The following CELSR3 variants were observed in gnomAD, a reference collection of about 807,000 sequenced individuals.
The protein encoded by CELSR3 is EGF-like protein 1.
In CELSR3, 73 loss-of-function variants were observed where a neutral mutation model predicts 270.0. The ratio of observed to expected loss-of-function variants is 0.27; its 90% CI spans 0.22 to 0.33. CELSR3 has a LOEUF of 0.33. Ranked by LOEUF, CELSR3 falls within the 10% of genes least tolerant of loss-of-function variation. The probability of loss-of-function intolerance (pLI) is 1.00; values close to 1 mark genes in which losing one functional copy is unlikely to be tolerated. For synonymous variants in CELSR3, 1,780 were observed against 1,905.4 expected (o/e 0.93, Z 1.71); for missense variants, 3,614 against 4,533.8 (o/e 0.80, Z 5.83).
chr3:48,645,407 C>T lies in CELSR3; in HGVS notation c.7797+36G>A, dbSNP rs1361120593. On this transcript the variant is annotated intron_variant, in intron 24 of 34. Transcript: ENST00000164024. The surrounding 1 kb of genome is among the most constrained non-coding windows in gnomAD (Gnocchi z 5.4). ...CCCAGGCCTCCTGGGCCAGTAGGGT[C>T]ATCAGGACACAAGTTCCCTGGCCCT... is the stretch of plus-strand genomic sequence containing the variant. 1.9e-6 allele frequency: 3 copies of T among 1,609,324 alleles called. No individual in the cohort carries two copies. The highest frequency in any genetic ancestry group is 2.7e-5 in the African/African-American group (2 of 74,846).
In CELSR3 at chr3:48,652,328, C is replaced by G. The variant is rs2047144616; in HGVS notation, c.5751+109G>C. The G allele has an allele frequency of 2.2e-6, 2 of 925,164 alleles. No homozygotes were observed. The highest frequency in any genetic ancestry group is 3.5e-6 in the Non-Finnish European group (2 of 566,910). The allele number at this position is 925,164 out of a possible 1,614,324, so 57.3% of individuals were successfully genotyped here. On this transcript the variant is annotated intron_variant, in intron 11 of 34. Transcript: ENST00000164024. This position sits in a 1 kb window ranked among gnomAD's most constrained non-coding sequence, Gnocchi z 4.3. ...TAGCTCTCAACTCTGGGTCATTCACCCCCTCGCACCAACCCCCACTTGAAT... is the reference window on the plus strand; with the variant it reads ...TAGCTCTCAACTCTGGGTCATTCACGCCCTCGCACCAACCCCCACTTGAAT...
In CELSR3 at chr3:48,653,208, C is replaced by T; in HGVS notation, c.5449-21G>A. 6.2e-7 allele frequency: 1 copy of T among 1,609,500 alleles called. No homozygotes were observed. Among genetic ancestry groups the T allele is most frequent in the Non-Finnish European group, 8.5e-7 (1 of 1,177,384 alleles). On this transcript the variant is annotated intron_variant, in intron 9 of 34. Coordinates refer to ENST00000164024, the MANE Select transcript of CELSR3 (RefSeq NM_001407.3). This position sits in a 1 kb window ranked among gnomAD's most constrained non-coding sequence, Gnocchi z 6.5. ...TCTAGCTGTGGGCAGAGATGCATAG[C>T]CCTGGGGTTAGAGCCCCATGTGGGC...
At chr3:48,648,237 T>G in intron 19 of CELSR3, 29 bp downstream of exon 19, 3 of 1,427,718 alleles carry the variant, frequency 2.1e-6, no homozygotes, top group South Asian at 2.3e-5. Context: ...CCCCCTGCTG[T>G]GCCCCGCCCT....
In CELSR3 at chr3:48,641,234, G is replaced by A; in HGVS notation, c.9025+90C>T. On this transcript the variant is annotated intron_variant, in intron 33 of 34. Transcript: ENST00000164024. This position sits in a 1 kb window ranked among gnomAD's most constrained non-coding sequence, Gnocchi z 4.8. ...TAGGTCAGAGTAAGAAGAGCTCTCA[G>A]TTTGGGATGAGGAAGCTGCAATCCC... 1 of 862,246 alleles carries A rather than the reference G, an allele frequency of 1.2e-6. No homozygotes were observed. Among genetic ancestry groups the A allele is most frequent in the Non-Finnish European group, 1.9e-6 (1 of 520,320 alleles). 53.4% of individuals were successfully genotyped at this position (862,246 alleles called of 1,614,324 possible). A position where few individuals can be genotyped will look rare whatever the true frequency, so the allele number is the denominator to read the frequency against.
rs761430217 is a variant in CELSR3 at position 48,645,172 on chromosome 3, A to T, written c.7835T>A (p.Phe2612Tyr). Residue 2612 changes from phenylalanine to tyrosine, a missense_variant, in exon 25 of 35, where the codon TTC (phenylalanine) becomes TAC (tyrosine). Phe to Tyr is a conservative substitution (Grantham distance 22). This residue lies in a region of CELSR3 where 1,240 missense variants were observed against 1,351.7 expected (regional missense o/e 0.92). Coordinates refer to ENST00000164024, the MANE Select transcript of CELSR3 (RefSeq NM_001407.3). The surrounding 1 kb of genome is among the most constrained non-coding windows in gnomAD (Gnocchi z 5.4). ...CTAVAILLHY[F>Y]FLSTFAWLFV... ...GAGCCACGCGAAGGTGCTGAGGAAG[A>T]AGTAGTGCAGGAGGATGGCGACTGC... 1 of 1,592,014 alleles carries T rather than the reference A, an allele frequency of 6.3e-7. No homozygotes were observed. Among genetic ancestry groups the T allele is most frequent in the Non-Finnish European group, 8.6e-7 (1 of 1,163,768 alleles).
Position 48,660,050 on chromosome 3 carries a change from T to C in CELSR3, c.2585A>G (p.His862Arg). 6.2e-7 allele frequency: 1 copy of C among 1,614,226 alleles called. No individual in the cohort carries two copies. The highest frequency in any genetic ancestry group is 8.5e-7 in the Non-Finnish European group (1 of 1,180,044). The change falls in exon 1 of 35, where the codon CAC becomes CGC. Residue 862 changes from histidine to arginine, a missense_variant. Physicochemically the swap from His to Arg is conservative, Grantham distance 29. Coordinates refer to ENST00000164024, the MANE Select transcript of CELSR3 (RefSeq NM_001407.3). This position sits in a 1 kb window ranked among gnomAD's most constrained non-coding sequence, Gnocchi z 5.5. The part of the protein sequence containing the change: ...NTHRPVFQSA[H>R]YSVSVNEDRP... ...ATCTTCATTCACACTCACTGAGTAG[T>C]GGGCACTTTGAAAGACCGGCCGATG...
In CELSR3 at chr3:48,637,231, C is replaced by T. The variant is rs769525406; in HGVS notation, c.*974G>A. ...GTGGAACGGAGTCACTTCCTGCAGC[C>T]CAGGTGCCTAGGGCCACGGAGGATC... On this transcript the variant is annotated 3_prime_UTR_variant, in exon 35 of 35. Transcript: ENST00000164024. 6.6e-6 allele frequency: 1 copy of T among 152,532 alleles called. No individual in the cohort carries two copies. Among genetic ancestry groups the T allele is most frequent in the Non-Finnish European group, 1.5e-5 (1 of 68,014 alleles). 9.4% of individuals were successfully genotyped at this position (152,532 alleles called of 1,614,324 possible).
chr3:48,640,780 G>A lies in CELSR3; in HGVS notation c.9026-221C>T, dbSNP rs545454827. The A allele has an allele frequency of 3.0e-4, 172 of 574,810 alleles. 1 individual carries two copies. Among genetic ancestry groups the A allele is most frequent in the Admixed American group, 6.2e-4 (19 of 30,572 alleles). The allele number at this position is 574,810 out of a possible 1,614,324, so 35.6% of individuals were successfully genotyped here. ...GTCATCTTCCAGTTGTGGTCCCGGG[G>A]CAGGGGGAGGGCGGGCAGGTCTCAT... On this transcript the variant is annotated intron_variant, in intron 33 of 34. Transcript: ENST00000164024. This position sits in a 1 kb window ranked among gnomAD's most constrained non-coding sequence, Gnocchi z 7.5.
chr3:48,662,754 T>C lies in CELSR3; in HGVS notation c.-120A>G, dbSNP rs1575547788. ...CGCCCCGGGCCCCCGCCCCTCCGCC[T>C]GTCTCTCCGCACCCCCGCCGCCCTC... On this transcript the variant is annotated 5_prime_UTR_variant, in exon 1 of 35. Coordinates refer to ENST00000164024, the MANE Select transcript of CELSR3 (RefSeq NM_001407.3). The surrounding 1 kb of genome is among the most constrained non-coding windows in gnomAD (Gnocchi z 7.1). 1 of 240,574 alleles carries C rather than the reference T, an allele frequency of 4.2e-6. No individual in the cohort carries two copies. The allele number at this position is 240,574 out of a possible 1,614,324, so 14.9% of individuals were successfully genotyped here.
At position 48,641,727 on chromosome 3, in the gene CELSR3, G is replaced by A. The variant is rs530925840; in HGVS notation, c.8824+124C>T. 1.0e-4 allele frequency: 107 copies of A among 1,067,098 alleles called. 1 individual carries two copies. The Admixed American group carries it at 1.6e-3, about 16-fold the overall frequency. The allele number at this position is 1,067,098 out of a possible 1,614,324, so 66.1% of individuals were successfully genotyped here. ...AGGTGGACAGAGACTAAAAGTTGGGGAACCTGATGACTGAGGGGTCAGAAA... is the reference window on the plus strand; with the variant it reads ...AGGTGGACAGAGACTAAAAGTTGGGAAACCTGATGACTGAGGGGTCAGAAA... On this transcript the variant is annotated intron_variant, in intron 32 of 34. Coordinates refer to ENST00000164024, the MANE Select transcript of CELSR3 (RefSeq NM_001407.3). This position sits in a 1 kb window ranked among gnomAD's most constrained non-coding sequence, Gnocchi z 4.8.
chr3:48,651,631 TG>T lies in CELSR3; in HGVS notation c.6010del (p.His2004MetfsTer114). The T allele has an allele frequency of 2.5e-6, 4 of 1,591,830 alleles. No homozygotes were observed. The highest frequency in any genetic ancestry group is 8.6e-7 in the Non-Finnish European group (1 of 1,168,716). ...ACCCACACAGTCACAGGTATAGCCA[TG>T]GGGGGCTCCTGGCAGGTGCCGGCAT... ...GSCRHLPGAPHGYTCDCVGGY... is the reference protein window; with the variant it reads ...GSCRHLPGAPXGYTCDCVGGY... On this transcript the variant is annotated frameshift_variant, in exon 13 of 35. Transcript: ENST00000164024. LOFTEE classifies it high-confidence loss of function. The surrounding 1 kb of genome is among the most constrained non-coding windows in gnomAD (Gnocchi z 7.4).
In CELSR3 at chr3:48,639,731, G is replaced by A; in HGVS notation, c.9854C>T (p.Pro3285Leu). 5.6e-6 allele frequency: 9 copies of A among 1,613,744 alleles called. No individual in the cohort carries two copies. Among genetic ancestry groups the A allele is most frequent in the Middle Eastern group, 1.7e-4 (1 of 6,060 alleles). ...AGACGTGGCAGAACGTGGCGTGGAG[G>A]GCCCAAGCACAGAGGCTGTGGCAGA... ...TPSATASVLG[P>L]STPRSATSHS... is the part of the protein sequence containing the mutation. Residue 3285 changes from proline (P) to leucine (L), a missense_variant, in exon 34 of 35, where the codon CCC becomes CTC. This residue lies in a region of CELSR3 where 1,240 missense variants were observed against 1,351.7 expected (regional missense o/e 0.92). Coordinates refer to ENST00000164024, the MANE Select transcript of CELSR3 (RefSeq NM_001407.3). This position sits in a 1 kb window ranked among gnomAD's most constrained non-coding sequence, Gnocchi z 4.1.
rs1203033879 is a variant in CELSR3 at position 48,661,325 on chromosome 3, T to C, written c.1310A>G (p.Gln437Arg). 2 of 1,613,386 alleles carry C rather than the reference T, an allele frequency of 1.2e-6. No individual in the cohort carries two copies. ...NDHSPVFEQA[Q>R]YRETLRENVE... ...ATTCTCGCGAAGGGTCTCCCGGTAC[T>C]GCGCTTGCTCAAAAACCGGCGAGTG... The change falls in exon 1 of 35, where the codon CAG (glutamine) becomes CGG (arginine). Residue 437 changes from glutamine to arginine, a missense_variant. Physicochemically the swap from Gln to Arg is conservative, Grantham distance 43. Coordinates refer to ENST00000164024, the MANE Select transcript of CELSR3 (RefSeq NM_001407.3).
Position 48,639,805 on chromosome 3 carries a change from AGAG to A in CELSR3, c.9777_9779del (p.Ser3260del). ...CCAAGGGTGTGCTTGAAGATTGCAC[AGAG>A]GAGAGGGCCGAGGAGTTGAAAGAGG... is the stretch of plus-strand genomic sequence containing the variant. On this transcript the variant is annotated inframe_deletion, in exon 34 of 35. Transcript: ENST00000164024. This position sits in a 1 kb window ranked among gnomAD's most constrained non-coding sequence, Gnocchi z 4.1. 6.2e-7 allele frequency: 1 copy of A among 1,613,892 alleles called. No homozygotes were observed. Among genetic ancestry groups the A allele is most frequent in the Non-Finnish European group, 8.5e-7 (1 of 1,180,000 alleles).
In CELSR3 at chr3:48,654,818, G is replaced by T. The variant is rs2047166428; in HGVS notation, c.4988+226C>A. Among the ~76,000 whole-genome samples, 1 of 151,862 alleles carries T rather than the reference G, an allele frequency of 6.6e-6. No individual in the cohort carries two copies. Among genetic ancestry groups the T allele is most frequent in the Non-Finnish European group, 1.5e-5 (1 of 67,934 alleles). ...CTGGGGTGGGGAGGTGGAGGCTTTG[G>T]AGGACTGCCTGGGGACTGTGTGTGG... On this transcript the variant is annotated intron_variant, in intron 6 of 34. Transcript: ENST00000164024. The surrounding 1 kb of genome is among the most constrained non-coding windows in gnomAD (Gnocchi z 5.4).
At position 48,640,518 on chromosome 3, in the gene CELSR3, T is replaced by C; in HGVS notation, c.9067A>G (p.Thr3023Ala). ...NRLQYPLVPQ[T>A]RGAPELSWCR... The stretch of plus-strand genomic sequence containing the variant: ...CAGGACAGCTCAGGGGCACCTCGGG[T>C]CTGTGGCACCAGTGGGTATTGCAAC... The change falls in exon 34 of 35, where the codon ACC becomes GCC. Residue 3023 changes from threonine to alanine, a missense_variant. Thr to Ala is a moderately conservative substitution (Grantham distance 58). Around this residue, in one of 7 missense-constraint regions of CELSR3, gnomAD observed 1,240 missense variants for 1,351.7 expected, o/e 0.92. Transcript: ENST00000164024. This position sits in a 1 kb window ranked among gnomAD's most constrained non-coding sequence, Gnocchi z 7.5. The C allele has an allele frequency of 6.2e-7, 1 of 1,605,036 alleles. No homozygotes were observed. Among genetic ancestry groups the C allele is most frequent in the Non-Finnish European group, 8.5e-7 (1 of 1,175,008 alleles).
In CELSR3 at chr3:48,660,543, G is replaced by A; in HGVS notation, c.2092C>T (p.Pro698Ser). The change falls in exon 1 of 35, where the codon CCT (proline) becomes TCT (serine). Residue 698 changes from proline to serine, a missense_variant. This residue lies in a region of CELSR3 where 215 missense variants were observed against 241.2 expected (regional missense o/e 0.89). Transcript: ENST00000164024. The surrounding 1 kb of genome is among the most constrained non-coding windows in gnomAD (Gnocchi z 5.5). ...YSLTGVAPDT[P>S]FVINSATGWV... ...CCAGTGGCGCTGTTTATCACAAAAG[G>A]AGTATCAGGTGCCACACCAGTTAGG... The A allele has an allele frequency of 6.2e-7, 1 of 1,614,172 alleles. No individual in the cohort carries two copies. Among genetic ancestry groups the A allele is most frequent in the Non-Finnish European group, 8.5e-7 (1 of 1,180,030 alleles).
At chr3:48,643,991 G>GC in intron 27 of CELSR3, 2 of 589,802 alleles carry the variant, frequency 3.4e-6, no homozygotes, top group South Asian at 4.3e-5. Context: ...GGAGACTCTG[G>GC]GGGGACCCAG....
In CELSR3 at chr3:48,661,014, T is replaced by G. The variant is rs1559482476; in HGVS notation, c.1621A>C (p.Asn541His). 3 of 1,613,902 alleles carry G rather than the reference T, an allele frequency of 1.9e-6. No individual in the cohort carries two copies. In the East Asian group the frequency reaches 6.7e-5, roughly 36 times the overall value. Residue 541 changes from asparagine (N) to histidine (H), a missense_variant, in exon 1 of 35, where the codon AAT (asparagine) becomes CAT (histidine). By Grantham distance (68) the Asn-to-His change is moderately conservative (BLOSUM62 1). Transcript: ENST00000164024. ...VHITVLDENDNAPQFSEKRYV... is the reference protein window; with the variant it reads ...VHITVLDENDHAPQFSEKRYV... ...CGCTTCTCGCTGAACTGAGGAGCATTGTCGTTCTCGTCTAGCACAGTTATG... is the reference window on the plus strand; with the variant it reads ...CGCTTCTCGCTGAACTGAGGAGCATGGTCGTTCTCGTCTAGCACAGTTATG...
Sources: allele counts gnomAD v4.1 joint callset (sites outside exome capture counted in the v4.1 genomes callset), GRCh38; gene constraint gnomAD v4.1.1; regional missense constraint gnomAD v4.1.1; non-coding constraint Gnocchi (gnomAD v3.1); transcripts MANE v1.5; gene names NCBI Gene and HGNC (gene_info 2026-07-23, HGNC 2026-07-21).